Variants in GPR158 observed in about 807,000 individuals in gnomAD.
GPR158 encodes metabotropic glycine receptor.
GPR158 carries 30 observed loss-of-function variants against 78.2 expected under a neutral mutation model. The observed-to-expected ratio is 0.38, with a 90% CI of 0.29 to 0.52. The LOEUF (loss-of-function observed/expected upper bound fraction) is 0.52. Among genes scored for constraint, GPR158 ranks in the 20% least tolerant of loss-of-function variants. GPR158 has a pLI of 0.83. For synonymous variants in GPR158, 581 were observed against 591.1 expected (o/e 0.98, Z 0.25); for missense variants, 1,463 against 1,523.5 (o/e 0.96, Z 0.66).
At chr10:25,450,550 T>G (rs549484014) in intron 4 of GPR158, among the ~76,000 whole-genome samples, 87 of 152,176 alleles carry the variant, frequency 5.7e-4, no homozygotes, top group Middle Eastern at 3.4e-3. Context: ...TCCGTAAAAA[T>G]TTTTAAATGC....
At chr10:25,557,656 G>A (rs1379110286) in intron 6 of GPR158, among the ~76,000 whole-genome samples, 1 of 152,128 alleles carries the variant, frequency 6.6e-6, no homozygotes. Context: ...ACGAATCAGG[G>A]ATTTCTGCCA....
At chr10:25,354,223 C>T (rs955522518) in intron 2 of GPR158, among the ~76,000 whole-genome samples, 2 of 151,884 alleles carry the variant, frequency 1.3e-5, no homozygotes, top group South Asian at 4.2e-4. Flanking sequence ...GGCGTGGTGG[C>T]TCATGCCTGT....
At chr10:25,233,093 AT>A (rs1853474574) in intron 2 of GPR158, among the ~76,000 whole-genome samples, 1 of 152,226 alleles carries the variant, frequency 6.6e-6, no homozygotes, top group Admixed American at 6.5e-5. Context: ...ATCAGAGCCC[AT>A]TTAGTGGGAT....
chr10:25,474,870 C>T (rs1056996833), intron 5 of GPR158, among the ~76,000 whole-genome samples: 1 of 152,026 alleles, frequency 6.6e-6, no homozygotes, highest in African/African-American at 2.4e-5. Context: ...GAATGAGGGC[C>T]CTTATTTATA....
intron 2 of GPR158, among the ~76,000 whole-genome samples, chr10:25,382,450 A>G (rs1407149584): frequency 6.6e-6 from 1 of 152,196 alleles, no homozygotes; most frequent in East Asian, 1.9e-4. Context: ...TAACGATGTC[A>G]TAAAATAAAA....
chr10:25,338,424 AT>A (rs1371520214), intron 2 of GPR158, among the ~76,000 whole-genome samples: 11 of 145,322 alleles, frequency 7.6e-5, no homozygotes, highest in African/African-American at 2.7e-4. Context: ...ATTATATATT[AT>A]TATATATACG....
intron 7 of GPR158, among the ~76,000 whole-genome samples, chr10:25,586,817 T>C (rs567705320): frequency 1.4e-3 from 206 of 152,198 alleles, no homozygotes; most frequent in African/African-American, 4.8e-3. Flanking sequence ...TTCAGAAAAA[T>C]GAACCTGTTA....
chr10:25,382,731 G>C (rs183212100), intron 2 of GPR158, among the ~76,000 whole-genome samples: 2 of 152,178 alleles, frequency 1.3e-5, no homozygotes, highest in Non-Finnish European at 2.9e-5. Flanking sequence ...GTGGGAAAGA[G>C]GCTACTGAAT....
At chr10:25,335,908 C>G (rs1855198809) in intron 2 of GPR158, among the ~76,000 whole-genome samples, 2 of 151,986 alleles carry the variant, frequency 1.3e-5, no homozygotes, top group Non-Finnish European at 2.9e-5. Context: ...TCCTTTCTGT[C>G]ATTCTGTTCC....
At chr10:25,523,464 G>A (rs1472628913) in intron 5 of GPR158, among the ~76,000 whole-genome samples, 1 of 152,134 alleles carries the variant, frequency 6.6e-6, no homozygotes, top group East Asian at 1.9e-4. Context: ...GCACCAGGTG[G>A]GGAGGACAGA....
At chr10:25,300,969 T>G (rs1854584920) in intron 2 of GPR158, among the ~76,000 whole-genome samples, 2 of 152,280 alleles carry the variant, frequency 1.3e-5, no homozygotes. Flanking sequence ...GATTGATGTT[T>G]TTTCATGTGG....
At chr10:25,205,503 A>T (rs191210034) in intron 1 of GPR158, among the ~76,000 whole-genome samples, 86 of 151,102 alleles carry the variant, frequency 5.7e-4, no homozygotes, top group Middle Eastern at 6.9e-3. Flanking sequence ...TAGTTCCTTT[A>T]TGTGTGATGT....
chr10:25,310,403 T>TA (rs1419130060), intron 2 of GPR158, among the ~76,000 whole-genome samples: 1 of 152,162 alleles, frequency 6.6e-6, no homozygotes, highest in Non-Finnish European at 1.5e-5. Flanking sequence ...CATATGAATT[T>TA]TAGGGTGGAT....
intron 2 of GPR158, among the ~76,000 whole-genome samples, chr10:25,373,391 C>A (rs771561098): frequency 1.3e-5 from 2 of 151,942 alleles, no homozygotes; most frequent in South Asian, 2.1e-4. Flanking sequence ...ACCCCCATGA[C>A]AAGATAATAA....
At chr10:25,543,273 A>T (rs1010721523) in intron 5 of GPR158, among the ~76,000 whole-genome samples, 8 of 151,872 alleles carry the variant, frequency 5.3e-5, no homozygotes, top group Non-Finnish European at 1.2e-4. Flanking sequence ...AGTGTTCACC[A>T]CCCTGCCCAG....
intron 5 of GPR158, among the ~76,000 whole-genome samples, chr10:25,480,484 A>G (rs1279946370): frequency 6.6e-6 from 1 of 152,172 alleles, no homozygotes; most frequent in Non-Finnish European, 1.5e-5. Context: ...TCATTAAACG[A>G]TAACTTCCCA....
chr10:25,205,569 G>T (rs1853014020), intron 1 of GPR158, among the ~76,000 whole-genome samples: 1 of 151,948 alleles, frequency 6.6e-6, no homozygotes, highest in African/African-American at 2.4e-5. Flanking sequence ...CACTATAAAG[G>T]TTCCTCTTAA....
Position 25,384,153 on chromosome 10 carries a change from G to GT in GPR158, c.1009-11757dup, listed in dbSNP as rs563320245. Among the ~76,000 whole-genome samples the GT allele has an allele frequency of 3.6e-4, 55 of 152,096 alleles. No homozygotes were observed. The South Asian group carries it at 0.011, about 30-fold the overall frequency. On this transcript the variant is annotated intron_variant, in intron 2 of 10. Transcript: ENST00000376351. Reference sequence around the variant, plus strand: ...CTAGTTTCCAGATATGCAGGCAGTTGTAACTATGATTTGAAAGGGAGAAAA... The same window carrying GT: ...CTAGTTTCCAGATATGCAGGCAGTTGTTAACTATGATTTGAAAGGGAGAAAA...
At chr10:25,454,704 G>A (rs1469951548) in intron 4 of GPR158, among the ~76,000 whole-genome samples, 1 of 152,170 alleles carries the variant, frequency 6.6e-6, no homozygotes. Flanking sequence ...ATGAAACCAA[G>A]ATTAGTAGTA....
Sources: gnomAD v4.1 joint callset for allele counts (sites outside exome capture counted in the v4.1 genomes callset) on GRCh38, gnomAD v4.1.1 for gene constraint, MANE v1.5 for transcripts, NCBI Gene and HGNC (gene_info 2026-07-23, HGNC 2026-07-21) for gene names.